The following CACNA1D variants were observed in gnomAD, a reference collection of about 807,000 sequenced individuals.
CACNA1D encodes calcium voltage-gated channel subunit alpha1 D.
CACNA1D carries 55 observed loss-of-function variants against 257.1 expected under a neutral mutation model. That is an observed-to-expected ratio of 0.21 (90% CI 0.17 to 0.27). CACNA1D has a LOEUF of 0.27. CACNA1D is among the 10% of genes least tolerant of loss of function. The pLI is 1.00. For synonymous variants in CACNA1D, 980 were observed against 1,014.9 expected (o/e 0.97, Z 0.65); for missense variants, 1,876 against 2,784.0 (o/e 0.67, Z 7.34).
rs570202529 is a variant in CACNA1D at position 53,774,366 on chromosome 3, T to C, written c.4111-221T>C. On this transcript the variant is annotated intron_variant, in intron 33 of 47. Coordinates refer to ENST00000350061, the MANE Select transcript of CACNA1D (RefSeq NM_001128840.3). The surrounding 1 kb of genome is among the most constrained non-coding windows in gnomAD (Gnocchi z 4.3). ...GTCTCCCCCAGGGGAGATCCGCGAA[T>C]GTGAGACCGTGCCCCTCTGGAGCAC... The C allele has an allele frequency of 4.9e-4, 265 of 542,470 alleles. 1 individual carries two copies. The South Asian group carries it at 5.1e-3, about 11-fold the overall frequency. 33.6% of individuals were successfully genotyped at this position (542,470 alleles called of 1,614,324 possible). A position where few individuals can be genotyped will look rare whatever the true frequency, so the allele number is the denominator to read the frequency against.
intron 23 of CACNA1D, among the ~76,000 whole-genome samples, chr3:53,745,311 G>A (rs2095157525): frequency 6.6e-6 from 1 of 151,706 alleles, no homozygotes; most frequent in South Asian, 2.1e-4. Flanking sequence ...TGTGATCTCG[G>A]CTCACTACAA....
intron 3 of CACNA1D, among the ~76,000 whole-genome samples, chr3:53,526,514 A>T (rs1279863457): frequency 6.6e-6 from 1 of 152,164 alleles, no homozygotes; most frequent in Admixed American, 6.5e-5. Flanking sequence ...GGGGTGGAAA[A>T]CTTATTTCAG....
At chr3:53,775,034 A>C (rs1052475168) in intron 34 of CACNA1D, among the ~76,000 whole-genome samples, 4 of 152,214 alleles carry the variant, frequency 2.6e-5, no homozygotes, top group Non-Finnish European at 5.9e-5. Flanking sequence ...AAAAACGTCA[A>C]GGCCTTTTGC....
intron 3 of CACNA1D, among the ~76,000 whole-genome samples, chr3:53,626,452 A>G (rs768385237): frequency 6.6e-5 from 10 of 152,154 alleles, no homozygotes; most frequent in Non-Finnish European, 1.5e-4. Context: ...GGAGGGCAAG[A>G]GGGGAGAGAG....
chr3:53,791,280 C>G, intron 40 of CACNA1D: 1 of 449,068 alleles, frequency 2.2e-6, no homozygotes, highest in Non-Finnish European at 4.0e-6. Flanking sequence ...ACGTACAAAG[C>G]TTAACAGTTT....
At chr3:53,803,690 G>T in intron 44 of CACNA1D, 118 bp downstream of exon 44, 2 of 933,214 alleles carry the variant, frequency 2.1e-6, no homozygotes, top group African/African-American at 1.6e-5. Flanking sequence ...AGCAAAATGG[G>T]AGCAGAAACT....
At chr3:53,542,569 G>A (rs1039086780) in intron 3 of CACNA1D, among the ~76,000 whole-genome samples, 1 of 141,652 alleles carries the variant, frequency 7.1e-6, no homozygotes, top group African/African-American at 2.8e-5. Flanking sequence ...AACAGAGCAA[G>A]ACCCTGTTGC....
chr3:53,581,650 G>A (rs1474207099), intron 3 of CACNA1D, among the ~76,000 whole-genome samples: 2 of 152,210 alleles, frequency 1.3e-5, no homozygotes, highest in African/African-American at 4.8e-5. Context: ...AAGATTCTGA[G>A]TTATAATCTA....
intron 3 of CACNA1D, among the ~76,000 whole-genome samples, chr3:53,549,234 A>G (rs990065180): frequency 2.0e-5 from 3 of 152,216 alleles, no homozygotes; most frequent in Non-Finnish European, 4.4e-5. Context: ...TACTGATGTC[A>G]CAATACTTTG....
chr3:53,742,408 G>C (rs937275634), intron 21 of CACNA1D, among the ~76,000 whole-genome samples: 2 of 152,224 alleles, frequency 1.3e-5, no homozygotes, highest in African/African-American at 4.8e-5. Context: ...GCACAGAGCC[G>C]TTGAGACTGG....
At chr3:53,503,852 T>C (rs6763768) in intron 3 of CACNA1D, among the ~76,000 whole-genome samples, 50,864 of 151,704 alleles carry the variant, frequency 0.34, 8,843 homozygotes, top group Admixed American at 0.43. Flanking sequence ...GACCTCTTCA[T>C]ATAGTATTCT....
chr3:53,602,563 T>C lies in CACNA1D; in HGVS notation c.484-48216T>C, dbSNP rs560004729. ...TTCCATAGTGCTGTATTAATTTATA[T>C]GCCCACTAACAGTGTGTGAGGGTTC... On this transcript the variant is annotated intron_variant, in intron 3 of 47. Coordinates refer to ENST00000350061, the MANE Select transcript of CACNA1D (RefSeq NM_001128840.3). Among the ~76,000 whole-genome samples, 4 of 152,382 alleles carry C rather than the reference T, an allele frequency of 2.6e-5. No individual in the cohort carries two copies. The South Asian group carries it at 8.3e-4, about 32-fold the overall frequency.
At chr3:53,762,576 C>T (rs1576591821) in intron 30 of CACNA1D, 1 of 456,852 alleles carries the variant, frequency 2.2e-6, no homozygotes, top group Middle Eastern at 3.3e-4. Flanking sequence ...GCATGGAACA[C>T]TTTTGATGCC....
rs190203997 is a variant in CACNA1D, at chr3:53,610,943, C to T, written c.484-39836C>T. ...AGTGTATTTCTGTTGGCAGTGAATCCTCTCAGCTTTTGTTTGTTGAATAAA... is the reference window on the plus strand; with the variant it reads ...AGTGTATTTCTGTTGGCAGTGAATCTTCTCAGCTTTTGTTTGTTGAATAAA... On this transcript the variant is annotated intron_variant, in intron 3 of 47. Coordinates refer to ENST00000350061, the MANE Select transcript of CACNA1D (RefSeq NM_001128840.3). Among the ~76,000 whole-genome samples the T allele has an allele frequency of 3.9e-5, 6 of 152,204 alleles. No individual in the cohort carries two copies. The East Asian group carries it at 7.7e-4, about 20-fold the overall frequency.
At chr3:53,745,387 C>T (rs1197438974) in intron 23 of CACNA1D, among the ~76,000 whole-genome samples, 1 of 152,024 alleles carries the variant, frequency 6.6e-6, no homozygotes, top group African/African-American at 2.4e-5. Context: ...ATTACAGGTG[C>T]ACACCACCAC....
chr3:53,590,716 G>T lies in CACNA1D; in HGVS notation c.484-60063G>T, dbSNP rs930544539. Among the ~76,000 whole-genome samples, 5 of 152,220 alleles carry T rather than the reference G, an allele frequency of 3.3e-5. No homozygotes were observed. The East Asian group carries it at 7.7e-4, about 23-fold the overall frequency. The stretch of plus-strand genomic sequence containing the variant: ...ATCCTTGCCACTTATAACTAGGTGA[G>T]CCTGGGCGGCCGGGCACCCTCTCGT... On this transcript the variant is annotated intron_variant, in intron 3 of 47. Coordinates refer to ENST00000350061, the MANE Select transcript of CACNA1D (RefSeq NM_001128840.3).
chr3:53,671,097 A>C (rs2094319130), intron 7 of CACNA1D, among the ~76,000 whole-genome samples: 1 of 152,178 alleles, frequency 6.6e-6, no homozygotes. Flanking sequence ...GATTTGAGCA[A>C]ATGTGAATCT....
intron 21 of CACNA1D, among the ~76,000 whole-genome samples, chr3:53,742,090 C>T (rs953589923): frequency 6.6e-6 from 1 of 152,010 alleles, no homozygotes; most frequent in Non-Finnish European, 1.5e-5. Flanking sequence ...ACGATGGTTC[C>T]TGGTGGCCTT....
rs1277096033 is a variant in CACNA1D, at chr3:53,718,581, C to T, written c.1478+193C>T. 2.0e-4 allele frequency: 132 copies of T among 658,848 alleles called. 1 individual carries two copies. Among genetic ancestry groups the T allele is most frequent in the African/African-American group, 1.5e-3 (81 of 55,104 alleles). The allele number at this position is 658,848 out of a possible 1,614,324, so 40.8% of individuals were successfully genotyped here. A position where few individuals can be genotyped will look rare whatever the true frequency, so the allele number is the denominator to read the frequency against. On this transcript the variant is annotated intron_variant, in intron 10 of 47. Coordinates refer to ENST00000350061, the MANE Select transcript of CACNA1D (RefSeq NM_001128840.3). ...CCCTCCTGCACACCTCCCCACCCCCCGCCCCCCCGCCCCCCGGCCCAGCAT... is the reference window on the plus strand; with the variant it reads ...CCCTCCTGCACACCTCCCCACCCCCTGCCCCCCCGCCCCCCGGCCCAGCAT...
Sources: gnomAD v4.1 joint callset for allele counts (sites outside exome capture counted in the v4.1 genomes callset) on GRCh38, gnomAD v4.1.1 for gene constraint, Gnocchi (gnomAD v3.1) non-coding constraint, MANE v1.5 for transcripts, NCBI Gene and HGNC (gene_info 2026-07-23, HGNC 2026-07-21) for gene names.